Variants in ARHGAP32 observed in about 807,000 individuals in gnomAD.
The protein encoded by ARHGAP32 is rho GTPase-activating protein 32.
In ARHGAP32, 51 loss-of-function variants were observed where a neutral mutation model predicts 186.5. The observed-to-expected ratio is 0.27, with a 90% CI of 0.22 to 0.35. ARHGAP32 has a LOEUF of 0.35. Ranked by LOEUF, ARHGAP32 falls within the 10% of genes least tolerant of loss-of-function variation. ARHGAP32 has a pLI of 1.00. For synonymous variants in ARHGAP32, 950 were observed against 964.3 expected (o/e 0.99, Z 0.27); for missense variants, 2,186 against 2,623.5 (o/e 0.83, Z 3.64).
intron 1 of ARHGAP32, among the ~76,000 whole-genome samples, chr11:129,197,568 T>C (rs1944408556): frequency 6.6e-6 from 1 of 152,298 alleles, no homozygotes; most frequent in African/African-American, 2.4e-5. Context: ...TCAGAAAATT[T>C]TGTATTCTAA....
chr11:129,098,421 T>C (rs935586670), intron 5 of ARHGAP32, among the ~76,000 whole-genome samples: 5 of 151,900 alleles, frequency 3.3e-5, no homozygotes, highest in African/African-American at 1.2e-4. Context: ...TCTTTTTCTT[T>C]TTTCTTTTTT....
intron 12 of ARHGAP32, among the ~76,000 whole-genome samples, chr11:128,996,200 A>C (rs1366856791): frequency 6.6e-6 from 1 of 152,204 alleles, no homozygotes; most frequent in Non-Finnish European, 1.5e-5. Flanking sequence ...ATTACAAATA[A>C]GGATAAACAT....
chr11:129,198,973 G>C (rs1944426554), intron 1 of ARHGAP32, among the ~76,000 whole-genome samples: 1 of 152,206 alleles, frequency 6.6e-6, no homozygotes, highest in Admixed American at 6.5e-5. Context: ...TGAGGAACTT[G>C]TTGGGAACCA....
At chr11:128,993,659 A>T (rs770680119) in intron 12 of ARHGAP32, among the ~76,000 whole-genome samples, 1 of 151,740 alleles carries the variant, frequency 6.6e-6, no homozygotes, top group Non-Finnish European at 1.5e-5. Context: ...CATATGATAT[A>T]ACTGTGGTTA....
chr11:129,018,517 T>C (rs944663662), intron 11 of ARHGAP32, among the ~76,000 whole-genome samples: 1 of 152,232 alleles, frequency 6.6e-6, no homozygotes, highest in African/African-American at 2.4e-5. Flanking sequence ...AAAACTAAAC[T>C]TATCTTTAGC....
At chr11:129,191,326 A>T (rs2511811) in intron 1 of ARHGAP32, among the ~76,000 whole-genome samples, 131,481 of 152,078 alleles carry the variant, frequency 0.86, 56,963 homozygotes, top group African/African-American at 0.89. Context: ...TAACTCTGAA[A>T]GAAAAAGAAA....
At chr11:129,143,773 C>A (rs749542434) in intron 2 of ARHGAP32, among the ~76,000 whole-genome samples, 5 of 152,144 alleles carry the variant, frequency 3.3e-5, no homozygotes, top group East Asian at 1.9e-4. Context: ...GAAGAATGAA[C>A]CTTCTATCCA....
chr11:129,076,644 C>T (rs989673695), intron 6 of ARHGAP32, among the ~76,000 whole-genome samples: 1 of 152,124 alleles, frequency 6.6e-6, no homozygotes, highest in Non-Finnish European at 1.5e-5. Context: ...AACAAAAATA[C>T]AACTTACCCA....
Position 128,981,754 on chromosome 11 carries a change from C to T in ARHGAP32, c.1634+75G>A. On this transcript the variant is annotated intron_variant, in intron 16 of 22. Coordinates refer to ENST00000682385, the MANE Select transcript of ARHGAP32 (RefSeq NM_001378024.1). ...ATTTGTTTAATCTTTTAAAAGTTTC[C>T]TTAAAGAACACTGATGAATCAGCCT... 4 of 1,277,592 alleles carry T rather than the reference C, an allele frequency of 3.1e-6. No individual in the cohort carries two copies. In the South Asian group the frequency reaches 5.5e-5, roughly 18 times the overall value. The allele number at this position is 1,277,592 out of a possible 1,614,324, so 79.1% of individuals were successfully genotyped here.
intron 5 of ARHGAP32, among the ~76,000 whole-genome samples, chr11:129,119,396 GAATA>G: frequency 6.6e-6 from 1 of 151,646 alleles, no homozygotes; most frequent in East Asian, 1.9e-4. Context: ...TACTCATAAG[GAATA>G]TATATTCTTA....
At chr11:129,192,013 G>C in intron 1 of ARHGAP32, 70 bp downstream of exon 1, 1 of 1,144,618 alleles carries the variant, frequency 8.7e-7, no homozygotes, top group Non-Finnish European at 1.3e-6. Flanking sequence ...CCGAAATGCA[G>C]AGAAGAAAAA....
intron 10 of ARHGAP32, among the ~76,000 whole-genome samples, chr11:129,060,336 C>CATAGATAG (rs60434028): frequency 0.082 from 12,208 of 148,490 alleles, 495 homozygotes; most frequent in African/African-American, 0.086. Context: ...AGGTGTTACA[C>CATAGATAG]ATAGATAGAT....
rs1034778423 is a variant in ARHGAP32, at chr11:128,995,078, ATC to A, written c.1195+3239_1195+3240del. Among the ~76,000 whole-genome samples the A allele has an allele frequency of 9.8e-5, 15 of 152,322 alleles. 1 individual carries two copies. The highest frequency in any genetic ancestry group is 6.8e-3 in the Middle Eastern group (2 of 294). ...AAAGCAAGACAACTAAGAAAAAAAA[ATC>A]TCAACAATATTCTCTAATACTTTAA... On this transcript the variant is annotated intron_variant, in intron 12 of 22. Coordinates refer to ENST00000682385, the MANE Select transcript of ARHGAP32 (RefSeq NM_001378024.1).
intron 1 of ARHGAP32, among the ~76,000 whole-genome samples, chr11:129,223,097 C>T (rs1019352327): frequency 6.6e-6 from 1 of 152,138 alleles, no homozygotes; most frequent in Admixed American, 6.5e-5. Context: ...AATCAATATT[C>T]TAAAATTAAT....
chr11:129,003,195 G>C (rs1421845759), intron 11 of ARHGAP32, among the ~76,000 whole-genome samples: 1 of 152,176 alleles, frequency 6.6e-6, no homozygotes, highest in Admixed American at 6.5e-5. Flanking sequence ...CGCATGTATT[G>C]ATTTATGTAT....
chr11:129,262,864 C>A (rs1945341910), intron 1 of ARHGAP32, among the ~76,000 whole-genome samples: 1 of 152,110 alleles, frequency 6.6e-6, no homozygotes, highest in African/African-American at 2.4e-5. Flanking sequence ...TTAACGAATT[C>A]TTTTTAAAAA....
At chr11:129,009,422 C>T (rs1346048443) in intron 11 of ARHGAP32, among the ~76,000 whole-genome samples, 1 of 152,138 alleles carries the variant, frequency 6.6e-6, no homozygotes, top group African/African-American at 2.4e-5. Context: ...GTTTGCTGCA[C>T]AGATCATCCA....
Position 129,093,657 on chromosome 11 carries a change from A to C in ARHGAP32, c.495T>G (p.Ser165=), listed in dbSNP as rs1188664410. The part of the protein sequence containing the change: ...QNEVMKNGCE[S]KELVYLVQIA... ...TCTGCACGAGGTAGACCAGCTCTTT[A>C]GATTCACAGCCATTTTTCATTACTT... Residue 165 remains serine (S), a synonymous_variant, in exon 6 of 23, where the codon TCT becomes TCG. Coordinates refer to ENST00000682385, the MANE Select transcript of ARHGAP32 (RefSeq NM_001378024.1). 3.1e-6 allele frequency: 5 copies of C among 1,605,822 alleles called. No individual in the cohort carries two copies. The highest frequency in any genetic ancestry group is 1.7e-5 in the Admixed American group (1 of 59,054).
At chr11:129,208,417 G>C (rs1295094014) in intron 1 of ARHGAP32, among the ~76,000 whole-genome samples, 4 of 152,136 alleles carry the variant, frequency 2.6e-5, no homozygotes, top group African/African-American at 9.7e-5. Flanking sequence ...ATGTAGTTTT[G>C]TCAAGGAGAA....
Sources: allele counts gnomAD v4.1 joint callset (sites outside exome capture counted in the v4.1 genomes callset), GRCh38; gene constraint gnomAD v4.1.1; transcripts MANE v1.5; gene names NCBI Gene and HGNC (gene_info 2026-07-23, HGNC 2026-07-21).